The following SCNN1B variants were observed in gnomAD, a reference collection of about 807,000 sequenced individuals.
SCNN1B encodes epithelial sodium channel subunit beta.
In SCNN1B, 46 loss-of-function variants were observed where a neutral mutation model predicts 65.3. The observed-to-expected ratio is 0.70, with a 90% CI of 0.56 to 0.90. The LOEUF (loss-of-function observed/expected upper bound fraction) is 0.90, where lower values mean the gene tolerates loss of function less well. Among genes scored for constraint, SCNN1B ranks in the 40% least tolerant of loss-of-function variants. The pLI is 0.00. For missense variants in SCNN1B, 751 were observed against 830.5 expected (o/e 0.90, Z 1.18); for synonymous variants, 349 against 330.6 (o/e 1.06, Z -0.60).
intron 2 of SCNN1B, among the ~76,000 whole-genome samples, chr16:23,285,368 C>T (rs1056738254): frequency 5.9e-5 from 9 of 152,126 alleles, no homozygotes; most frequent in East Asian, 3.9e-4. Flanking sequence ...GGTAGGGCCT[C>T]GCTATGTTGT....
chr16:23,353,088 G>A lies in SCNN1B; in HGVS notation c.585+14G>A, dbSNP rs374512637. On this transcript the variant is annotated intron_variant, in intron 3 of 12. Coordinates refer to ENST00000343070, the MANE Select transcript of SCNN1B (RefSeq NM_000336.3). ...GCCATGAGACTAGTAAGTGGTCCCT[G>A]GGCACATATCAAGCAATGGGCCCCA... The A allele has an allele frequency of 1.2e-6, 2 of 1,613,862 alleles. No homozygotes were observed.
intron 1 of SCNN1B, among the ~76,000 whole-genome samples, chr16:23,326,778 A>G (rs1961705693): frequency 6.6e-6 from 1 of 151,508 alleles, no homozygotes. Context: ...ATTATTTTTT[A>G]TTTTTACAAA....
chr16:23,378,845 C>T, intron 11 of SCNN1B, 78 bp downstream of exon 11: 1 of 1,303,820 alleles, frequency 7.7e-7, no homozygotes, highest in Non-Finnish European at 1.1e-6. Context: ...GGACACAGGA[C>T]AGCTCCTCAG....
intron 1 of SCNN1B, chr16:23,304,141 C>G: frequency 6.9e-7 from 1 of 1,452,076 alleles, no homozygotes; most frequent in Non-Finnish European, 9.3e-7. Context: ...ATTGTTATCT[C>G]TGGGTTAAGT....
intron 2 of SCNN1B, among the ~76,000 whole-genome samples, chr16:23,292,176 T>C (rs1435191739): frequency 6.6e-6 from 1 of 151,050 alleles, no homozygotes; most frequent in Non-Finnish European, 1.5e-5. Context: ...TTATTTTTTA[T>C]TTATTTTATT....
At chr16:23,296,972 C>A (rs910223003) in intron 2 of SCNN1B, among the ~76,000 whole-genome samples, 26 of 126,134 alleles carry the variant, frequency 2.1e-4, no homozygotes, top group African/African-American at 8.4e-4. Context: ...GGCCACAGAG[C>A]AAGACTCCAT....
rs773176122 is a variant in SCNN1B at position 23,378,716 on chromosome 16, T to A, written c.1415T>A (p.Phe472Tyr). 6.2e-7 allele frequency: 1 copy of A among 1,614,170 alleles called. No individual in the cohort carries two copies. Among genetic ancestry groups the A allele is most frequent in the East Asian group, 2.2e-5 (1 of 44,882 alleles). Residue 472 changes from phenylalanine to tyrosine, a missense_variant, in exon 11 of 13, where the codon TTC (phenylalanine) becomes TAC (tyrosine). By Grantham distance (22) the Phe-to-Tyr change is conservative (BLOSUM62 3). Coordinates refer to ENST00000343070, the MANE Select transcript of SCNN1B (RefSeq NM_000336.3). ...CTTCTTGGGTTCCAGGACTGGATTT[T>A]CCACGTCTTGTCTCAGGAGCGGGAC... ...WPSEASEDWI[F>Y]HVLSQERDQS...
intron 1 of SCNN1B, among the ~76,000 whole-genome samples, chr16:23,334,557 G>A (rs16940022): frequency 0.041 from 6,190 of 152,216 alleles, 437 homozygotes; most frequent in African/African-American, 0.14. Context: ...AGGCACACCC[G>A]TCTGGACTGC....
intron 4 of SCNN1B, among the ~76,000 whole-genome samples, chr16:23,365,055 G>A (rs925510105): frequency 1.3e-5 from 2 of 152,006 alleles, no homozygotes; most frequent in Admixed American, 6.6e-5. Flanking sequence ...GAACACAGAG[G>A]GCAGAGGTTG....
chr16:23,347,385 T>C (rs1457141814), intron 1 of SCNN1B, among the ~76,000 whole-genome samples: 1 of 152,180 alleles, frequency 6.6e-6, no homozygotes, highest in Non-Finnish European at 1.5e-5. Flanking sequence ...TTAGATGTAA[T>C]TGTTACAGTA....
intron 1 of SCNN1B, among the ~76,000 whole-genome samples, chr16:23,306,391 T>C (rs1961220566): frequency 6.6e-6 from 1 of 152,178 alleles, no homozygotes; most frequent in Non-Finnish European, 1.5e-5. Context: ...AACCCCTTAG[T>C]ACAGTGCCTG....
intron 1 of SCNN1B, among the ~76,000 whole-genome samples, chr16:23,340,374 A>T (rs1962030892): frequency 6.6e-6 from 1 of 152,174 alleles, no homozygotes; most frequent in Non-Finnish European, 1.5e-5. Flanking sequence ...TCCTAAGGTT[A>T]CACAGATTTT....
At chr16:23,371,912 C>A in intron 7 of SCNN1B, 29 bp downstream of exon 7, 2 of 1,535,252 alleles carry the variant, frequency 1.3e-6, no homozygotes, top group Non-Finnish European at 1.8e-6. Context: ...CCTCATGCCC[C>A]GGGGCCCCTG....
intron 3 of SCNN1B, among the ~76,000 whole-genome samples, chr16:23,353,667 T>A (rs1481815851): frequency 6.6e-6 from 1 of 152,222 alleles, no homozygotes; most frequent in Non-Finnish European, 1.5e-5. Context: ...TGAGACCACA[T>A]GGACTGAGCA....
rs1567304451 is a variant in SCNN1B, at chr16:23,343,635, GAAA to G, written c.-8-4956_-8-4954del. ...AGAAAGAAAGAAAGAAAGAAAGAAA[GAAA>G]GAAAGAAAGAAAAAAAGAAAGGAAG... On this transcript the variant is annotated intron_variant, in intron 1 of 12. Coordinates refer to ENST00000343070, the MANE Select transcript of SCNN1B (RefSeq NM_000336.3). Among the ~76,000 whole-genome samples the G allele has an allele frequency of 5.6e-4, 57 of 101,716 alleles. 1 individual carries two copies. The highest frequency in any genetic ancestry group is 9.8e-4 in the African/African-American group (25 of 25,638). The allele number at this position is 101,716 out of a possible 152,430, so 66.7% of individuals were successfully genotyped here. A position where few individuals can be genotyped will look rare whatever the true frequency, so the allele number is the denominator to read the frequency against.
chr16:23,353,167 G>A, intron 3 of SCNN1B, 93 bp downstream of exon 3: 1 of 1,412,822 alleles, frequency 7.1e-7, no homozygotes, highest in Non-Finnish European at 9.9e-7. Flanking sequence ...TCTCGCTGGG[G>A]GAAAGACAAG....
chr16:23,311,210 A>G (rs1260004376), intron 1 of SCNN1B, among the ~76,000 whole-genome samples: 1 of 152,262 alleles, frequency 6.6e-6, no homozygotes, highest in Non-Finnish European at 1.5e-5. Context: ...AGCAATTGGA[A>G]CTGGGAGCCA....
At chr16:23,305,524 A>AATATATATAT (rs1961176452) in intron 1 of SCNN1B, among the ~76,000 whole-genome samples, 1 of 4,896 alleles carries the variant, frequency 2.0e-4, no homozygotes, top group African/African-American at 9.4e-4. Context: ...ATCTCTACCA[A>AATATATATAT]ATATATATAT....
intron 1 of SCNN1B, among the ~76,000 whole-genome samples, chr16:23,282,209 A>C (rs996258283): frequency 6.6e-6 from 1 of 152,228 alleles, no homozygotes; most frequent in African/African-American, 2.4e-5. Flanking sequence ...ACTTGTACCC[A>C]TAAATCCATA....
Sources: allele counts gnomAD v4.1 joint callset (sites outside exome capture counted in the v4.1 genomes callset), GRCh38; gene constraint gnomAD v4.1.1; transcripts MANE v1.5; gene names NCBI Gene and HGNC (gene_info 2026-07-23, HGNC 2026-07-21).